Variants in TNFSF4 observed in about 807,000 individuals in gnomAD.
TNFSF4 encodes TNF superfamily member 4.
TNFSF4 carries 4 observed loss-of-function variants against 7.3 expected under a neutral mutation model. The observed-to-expected ratio is 0.55, with a 90% CI of 0.27 to 1.25. TNFSF4 has a LOEUF of 1.25. TNFSF4 is among the 50% of genes most tolerant of loss of function. TNFSF4 has a pLI of 0.12. For synonymous variants in TNFSF4, 76 were observed against 83.7 expected (o/e 0.91, Z 0.50); for missense variants, 181 against 208.8 (o/e 0.87, Z 0.82).
chr1:173,397,259 GA>G, the TNFSF4 span, among the ~76,000 whole-genome samples: 1 of 152,116 alleles, frequency 6.6e-6, no homozygotes, highest in Non-Finnish European at 1.5e-5. Context: ...ATTTCCAAAC[GA>G]GATCGTTTTT....
chr1:173,179,593 A>C (rs1649015301), downstream of TNFSF4, among the ~76,000 whole-genome samples: 1 of 152,224 alleles, frequency 6.6e-6, no homozygotes, highest in Non-Finnish European at 1.5e-5. Context: ...TCCGTTGTAT[A>C]ATCAAAAACA....
the TNFSF4 span, among the ~76,000 whole-genome samples, chr1:173,256,507 G>A: frequency 6.6e-6 from 1 of 152,100 alleles, no homozygotes; most frequent in South Asian, 2.1e-4. Flanking sequence ...AATACCCAAA[G>A]AGCCATCACA....
At chr1:173,351,747 C>A in the TNFSF4 span, 334,892 of 512,236 alleles carry the variant, frequency 0.65, 110,165 homozygotes, top group Admixed American at 0.68. Flanking sequence ...TGTACGAGTA[C>A]GAGGACACTA....
At chr1:173,332,536 AAATAAATT>A in the TNFSF4 span, among the ~76,000 whole-genome samples, 29 of 150,042 alleles carry the variant, frequency 1.9e-4, no homozygotes, top group African/African-American at 7.1e-4. Context: ...GTCTCAAAAT[AAATAAATT>A]AATTAATTAA....
intron 2 of TNFSF4, 128 bp downstream of exon 2, chr1:173,188,393 G>A: frequency 1.4e-6 from 1 of 726,518 alleles, no homozygotes; most frequent in South Asian, 1.8e-5. Flanking sequence ...CAACAATTCT[G>A]GGATTTAATT....
At chr1:173,439,532 G>A in the TNFSF4 span, among the ~76,000 whole-genome samples, 4 of 152,214 alleles carry the variant, frequency 2.6e-5, no homozygotes, top group Non-Finnish European at 4.4e-5. Context: ...ATCAGAGAGT[G>A]AATGCCCTGA....
At chr1:173,245,898 T>C in the TNFSF4 span, among the ~76,000 whole-genome samples, 1,611 of 152,366 alleles carry the variant, frequency 0.011, 16 homozygotes, top group Middle Eastern at 0.024. Context: ...TTCATCCATG[T>C]TGCCATGAAT....
the TNFSF4 span, among the ~76,000 whole-genome samples, chr1:173,438,151 G>A: frequency 6.6e-6 from 1 of 152,072 alleles, no homozygotes; most frequent in African/African-American, 2.4e-5. Context: ...CTAAATTAGA[G>A]AGTATCTAGG....
chr1:173,224,485 G>A, the TNFSF4 span, among the ~76,000 whole-genome samples: 91 of 152,284 alleles, frequency 6.0e-4, no homozygotes, highest in African/African-American at 1.8e-3. Context: ...CCTGGTCCCA[G>A]CACTCAACCC....
the TNFSF4 span, among the ~76,000 whole-genome samples, chr1:173,371,786 T>C: frequency 6.6e-6 from 1 of 152,206 alleles, no homozygotes; most frequent in Non-Finnish European, 1.5e-5. Flanking sequence ...AATGGTTCAC[T>C]GTTCTGGACC....
the TNFSF4 span, among the ~76,000 whole-genome samples, chr1:173,356,802 A>G: frequency 1.3e-5 from 2 of 152,212 alleles, no homozygotes; most frequent in Admixed American, 6.5e-5. Context: ...TGTTCTCTGT[A>G]TATTAGGAAG....
the TNFSF4 span, among the ~76,000 whole-genome samples, chr1:173,390,624 T>C: frequency 6.6e-6 from 1 of 152,148 alleles, no homozygotes; most frequent in African/African-American, 2.4e-5. Context: ...TCCTCCAAAT[T>C]ATTTCCTCTT....
rs1160113472 is a variant in TNFSF4, at chr1:173,184,755, C to T, written c.*1761G>A. 1 of 151,998 alleles carries T rather than the reference C, an allele frequency of 6.6e-6. No homozygotes were observed. The highest frequency in any genetic ancestry group is 1.5e-5 in the Non-Finnish European group (1 of 68,006). The allele number at this position is 151,998 out of a possible 1,614,324, so 9.4% of individuals were successfully genotyped here. The stretch of plus-strand genomic sequence containing the variant: ...CACACAATCTTCTGAGTAGTGAAGC[C>T]AGATATCATTGAATATCTGTCTCAG... On this transcript the variant is annotated 3_prime_UTR_variant, in exon 3 of 3. Transcript: ENST00000281834.
At chr1:173,394,463 G>A in the TNFSF4 span, among the ~76,000 whole-genome samples, 1 of 152,146 alleles carries the variant, frequency 6.6e-6, no homozygotes, top group African/African-American at 2.4e-5. Flanking sequence ...TAGATACAGG[G>A]TGCCCAGATA....
At chr1:173,301,105 G>GA in the TNFSF4 span, among the ~76,000 whole-genome samples, 3 of 151,868 alleles carry the variant, frequency 2.0e-5, no homozygotes, top group Non-Finnish European at 2.9e-5. Context: ...TGGACTAGTT[G>GA]AATTCCAAGG....
the TNFSF4 span, among the ~76,000 whole-genome samples, chr1:173,375,461 G>T: frequency 6.6e-6 from 1 of 152,146 alleles, no homozygotes; most frequent in Non-Finnish European, 1.5e-5. Flanking sequence ...GGTCAAGTGG[G>T]GACTTCAGGA....
chr1:173,314,165 G>A, the TNFSF4 span, among the ~76,000 whole-genome samples: 10,615 of 151,870 alleles, frequency 0.07, 424 homozygotes, highest in East Asian at 0.11. Context: ...GAAATATGGC[G>A]ACCTCCCTTT....
chr1:173,326,792 T>C, the TNFSF4 span, among the ~76,000 whole-genome samples: 2 of 152,064 alleles, frequency 1.3e-5, no homozygotes, highest in African/African-American at 4.8e-5. Context: ...ATAAAATACC[T>C]AGGAATCCAA....
the TNFSF4 span, among the ~76,000 whole-genome samples, chr1:173,215,449 T>C: frequency 6.6e-6 from 1 of 152,208 alleles, no homozygotes; most frequent in South Asian, 2.1e-4. Context: ...ATTTTACCTA[T>C]CATTCTCTAT....
Sources: gnomAD v4.1 joint callset for allele counts (sites outside exome capture counted in the v4.1 genomes callset) on GRCh38, gnomAD v4.1.1 for gene constraint, MANE v1.5 for transcripts, NCBI Gene and HGNC (gene_info 2026-07-23, HGNC 2026-07-21) for gene names.